BIRC6: variants seen among roughly 807,000 people sequenced by gnomAD.
The protein encoded by BIRC6 is baculoviral IAP repeat containing 6.
BIRC6 carries 98 observed loss-of-function variants against 503.3 expected under a neutral mutation model. The observed-to-expected ratio is 0.19, with a 90% CI of 0.17 to 0.23. BIRC6 has a LOEUF of 0.23. Among genes scored for constraint, BIRC6 ranks in the 10% least tolerant of loss-of-function variants. BIRC6 has a pLI of 1.00. For missense variants in BIRC6, 5,360 were observed against 5,806.0 expected (o/e 0.92, Z 2.50); for synonymous variants, 2,240 against 2,078.7 (o/e 1.08, Z -2.11).
At chr2:32,401,749 AT>A in intron 8 of BIRC6, 126 bp downstream of exon 8, 1 of 784,806 alleles carries the variant, frequency 1.3e-6, no homozygotes. Context: ...CAGAGAGTAA[AT>A]GTTTGGTTAG....
intron 65 of BIRC6, among the ~76,000 whole-genome samples, chr2:32,561,902 C>T (rs2059216857): frequency 6.6e-6 from 1 of 151,560 alleles, no homozygotes; most frequent in African/African-American, 2.4e-5. Context: ...ACTAGCCAGG[C>T]GTGGTGGTGG....
intron 10 of BIRC6, among the ~76,000 whole-genome samples, chr2:32,424,948 A>G (rs1046666513): frequency 2.0e-5 from 3 of 152,182 alleles, no homozygotes; most frequent in Admixed American, 1.3e-4. Flanking sequence ...CTTTTTGACA[A>G]CTAGTGGTTG....
Position 32,499,978 on chromosome 2 carries a change from A to G in BIRC6, c.8900A>G (p.Asn2967Ser), listed in dbSNP as rs576408414. The change falls in exon 46 of 74, where the codon AAT becomes AGT. Residue 2967 changes from asparagine (N) to serine (S), a missense_variant. Asn to Ser is a conservative substitution (Grantham distance 46). This residue lies in a region of BIRC6 where 2,299 missense variants were observed against 2,267.2 expected (regional missense o/e 1.01). Transcript: ENST00000421745. Reference protein sequence around the residue: ...EEKVSGGKDGNGSSTSVQGSP... With the variant: ...EEKVSGGKDGSGSSTSVQGSP... ...AAAGTCTCAGGAGGCAAAGATGGCA[A>G]TGGAAGCAGTACCAGTGTTCAAGGA... 21 of 1,614,032 alleles carry G rather than the reference A, an allele frequency of 1.3e-5. No homozygotes were observed. The highest frequency in any genetic ancestry group is 8.8e-5 in the South Asian group (8 of 91,080).
At position 32,602,975 on chromosome 2, in the gene BIRC6, C is replaced by T. The variant is rs1445863609; in HGVS notation, c.13993-31C>T. ...AGTTTGTTTTTAAGCACTCTTTTTT[C>T]AATTCTGTTTATGCTTTTTTCGTTC... On this transcript the variant is annotated intron_variant, in intron 70 of 73. Coordinates refer to ENST00000421745, the MANE Select transcript of BIRC6 (RefSeq NM_016252.4). 2.6e-6 allele frequency: 4 copies of T among 1,565,996 alleles called. No homozygotes were observed. In the Admixed American group the frequency reaches 6.1e-5, roughly 24 times the overall value.
At position 32,415,011 on chromosome 2, in the gene BIRC6, A is replaced by T. The variant is rs2042257309; in HGVS notation, c.1720A>T (p.Thr574Ser). The T allele has an allele frequency of 6.2e-7, 1 of 1,613,712 alleles. No individual in the cohort carries two copies. Among genetic ancestry groups the T allele is most frequent in the Non-Finnish European group, 8.5e-7 (1 of 1,179,832 alleles). The change falls in exon 10 of 74, where the codon ACA (threonine) becomes TCA (serine). Residue 574 changes from threonine to serine, a missense_variant. By Grantham distance (58) the Thr-to-Ser change is moderately conservative. Around this residue, in one of 16 missense-constraint regions of BIRC6, gnomAD observed 700 missense variants for 739.3 expected, o/e 0.95. Transcript: ENST00000421745. ...FPCLLAGGLL[T>S]YKSPATSPIS... ...ATGTTTATTAGCTGGAGGTTTATTA[A>T]CATATAAATCTCCTGCTACCTCACC...
intron 20 of BIRC6, among the ~76,000 whole-genome samples, chr2:32,444,866 T>C (rs1364992633): frequency 6.6e-6 from 1 of 152,232 alleles, no homozygotes; most frequent in Non-Finnish European, 1.5e-5. Context: ...ATTAACTCTA[T>C]GGAATAGAAC....
intron 39 of BIRC6, among the ~76,000 whole-genome samples, chr2:32,484,073 C>T (rs1055213678): frequency 9.2e-5 from 14 of 152,100 alleles, no homozygotes; most frequent in Non-Finnish European, 2.1e-4. Context: ...AGAAGCAGTT[C>T]ACCATTTTGA....
At position 32,578,979 on chromosome 2, in the gene BIRC6, A is replaced by AATATAT. The variant is rs1407258691; in HGVS notation, c.13355+3619_13355+3624dup. 1.7e-3 allele frequency among the ~76,000 whole-genome samples: 130 copies of AATATAT among 74,316 alleles called. 20 individuals carry two copies. The highest frequency in any genetic ancestry group is 7.3e-4 in the Admixed American group (5 of 6,810). 48.8% of individuals were successfully genotyped at this position (74,316 alleles called of 152,430 possible). A position where few individuals can be genotyped will look rare whatever the true frequency, so the allele number is the denominator to read the frequency against. ...GTTTACTACTTATTTTTATATACCT[A>AATATAT]ATATATATATACACTTAATATATAT... On this transcript the variant is annotated intron_variant, in intron 66 of 73. Transcript: ENST00000421745.
chr2:32,370,944 G>A (rs2035847684), intron 1 of BIRC6, among the ~76,000 whole-genome samples: 1 of 152,042 alleles, frequency 6.6e-6, no homozygotes, highest in South Asian at 2.1e-4. Context: ...TTTTAGGGTT[G>A]TACATTATTT....
At position 32,518,237 on chromosome 2, in the gene BIRC6, A is replaced by G. The variant is rs1245677356; in HGVS notation, c.11350-17A>G. The G allele has an allele frequency of 2.5e-6, 4 of 1,603,908 alleles. No individual in the cohort carries two copies. Among genetic ancestry groups the G allele is most frequent in the Admixed American group, 1.7e-5 (1 of 57,784 alleles). Reference sequence around the variant, plus strand: ...ATAAATCTTGCATTTAACTTTTTAAATATTTTGTCTTGCCAGGTTCTTTGT... The same window carrying G: ...ATAAATCTTGCATTTAACTTTTTAAGTATTTTGTCTTGCCAGGTTCTTTGT... On this transcript the variant is annotated splice_polypyrimidine_tract_variant and intron_variant, in intron 55 of 73. Coordinates refer to ENST00000421745, the MANE Select transcript of BIRC6 (RefSeq NM_016252.4).
chr2:32,448,825 A>G lies in BIRC6; in HGVS notation c.4515A>G (p.Pro1505=), dbSNP rs2046372474. ...GATTATATAGCTCACCATTTGATCC[A>G]GTCCTCTTTGATTTGGAGATGAGTG... ...RYGLYSSPFD[P]VLFDLEMSGS... is the part of the protein sequence containing the mutation. The change falls in exon 22 of 74, where the codon CCA becomes CCG. Residue 1505 remains proline (P), a synonymous_variant. Transcript: ENST00000421745. 4 of 1,613,332 alleles carry G rather than the reference A, an allele frequency of 2.5e-6. No individual in the cohort carries two copies. The South Asian group carries it at 4.4e-5, about 18-fold the overall frequency.
rs1395187638 is a variant in BIRC6 at position 32,618,016 on chromosome 2, A to G, written c.*112A>G. 2 of 1,068,618 alleles carry G rather than the reference A, an allele frequency of 1.9e-6. No homozygotes were observed. The highest frequency in any genetic ancestry group is 3.4e-5 in the South Asian group (2 of 59,242). The allele number at this position is 1,068,618 out of a possible 1,614,324, so 66.2% of individuals were successfully genotyped here. A position where few individuals can be genotyped will look rare whatever the true frequency, so the allele number is the denominator to read the frequency against. ...TAATAGGTAATGAAACTGAAACTATACTATGCCCTTAAGGAGATCCAGTTT... is the reference window on the plus strand; with the variant it reads ...TAATAGGTAATGAAACTGAAACTATGCTATGCCCTTAAGGAGATCCAGTTT... On this transcript the variant is annotated 3_prime_UTR_variant, in exon 74 of 74. Transcript: ENST00000421745.
At chr2:32,497,647 A>G (rs2052630847) in intron 45 of BIRC6, among the ~76,000 whole-genome samples, 1 of 152,094 alleles carries the variant, frequency 6.6e-6, no homozygotes, top group Admixed American at 6.6e-5. Flanking sequence ...ATATGTATTA[A>G]TGTTTATAGG....
At chr2:32,600,051 T>C (rs1397795208) in intron 70 of BIRC6, among the ~76,000 whole-genome samples, 151 bp downstream of exon 70, 2 of 152,186 alleles carry the variant, frequency 1.3e-5, no homozygotes, top group Non-Finnish European at 2.9e-5. Context: ...GCTTAAGCAA[T>C]AGAAGGAACT....
At position 32,464,815 on chromosome 2, in the gene BIRC6, T is replaced by C; in HGVS notation, c.5248T>C (p.Ser1750Pro). 1 of 1,604,166 alleles carries C rather than the reference T, an allele frequency of 6.2e-7. No individual in the cohort carries two copies. The highest frequency in any genetic ancestry group is 1.1e-5 in the South Asian group (1 of 90,278). The part of the protein sequence containing the change: ...LAAHNKNSNK[S>P]RMNPLGSGLA... ...TGCACATAACAAAAATTCCAACAAGTCCAGAATGGTAAATTATGTTTTAAA... is the reference window on the plus strand; with the variant it reads ...TGCACATAACAAAAATTCCAACAAGCCCAGAATGGTAAATTATGTTTTAAA... The change falls in exon 25 of 74, where the codon TCC (serine) becomes CCC (proline). Residue 1750 changes from serine to proline, a missense_variant. By Grantham distance (74) the Ser-to-Pro change is moderately conservative. This residue lies in a region of BIRC6 where 2,299 missense variants were observed against 2,267.2 expected (regional missense o/e 1.01). Coordinates refer to ENST00000421745, the MANE Select transcript of BIRC6 (RefSeq NM_016252.4).
chr2:32,500,180 G>A, intron 46 of BIRC6, 71 bp downstream of exon 46: 2 of 1,332,344 alleles, frequency 1.5e-6, no homozygotes, highest in South Asian at 2.9e-5. Flanking sequence ...AGCAATATAT[G>A]GATTCATTTT....
intron 51 of BIRC6, 136 bp from the exon 52 acceptor site, chr2:32,509,602 C>A: frequency 1.0e-6 from 1 of 968,058 alleles, no homozygotes; most frequent in Non-Finnish European, 1.5e-6. Context: ...TAATTTGCAG[C>A]ATTCTAAAAA....
At chr2:32,555,425 G>T (rs950143722) in intron 65 of BIRC6, among the ~76,000 whole-genome samples, 2 of 152,062 alleles carry the variant, frequency 1.3e-5, no homozygotes, top group South Asian at 2.1e-4. Flanking sequence ...CAGATCATGA[G>T]GTCGGGACAT....
At chr2:32,432,230 A>G (rs561826603) in intron 12 of BIRC6, among the ~76,000 whole-genome samples, 1 of 152,164 alleles carries the variant, frequency 6.6e-6, no homozygotes, top group Admixed American at 6.5e-5. Flanking sequence ...AGCCTGGCCA[A>G]TATGGTGAAA....
Sources: allele counts gnomAD v4.1 joint callset (sites outside exome capture counted in the v4.1 genomes callset), GRCh38; gene constraint gnomAD v4.1.1; regional missense constraint gnomAD v4.1.1; transcripts MANE v1.5; gene names NCBI Gene and HGNC (gene_info 2026-07-23, HGNC 2026-07-21).